CACNB4: variants seen among roughly 807,000 people sequenced by gnomAD.
The protein encoded by CACNB4 is calcium voltage-gated channel auxiliary subunit beta 4.
CACNB4 carries 32 observed loss-of-function variants against 71.2 expected under a neutral mutation model. The observed-to-expected ratio is 0.45, with a 90% CI of 0.34 to 0.60. CACNB4 has a LOEUF of 0.60. Ranked by LOEUF, CACNB4 falls within the 20% of genes least tolerant of loss-of-function variation. CACNB4 has a pLI of 0.01. For synonymous variants in CACNB4, 231 were observed against 236.9 expected (o/e 0.97, Z 0.23); for missense variants, 464 against 647.9 (o/e 0.72, Z 3.08).
At chr2:151,909,604 T>C (rs1049508962) in intron 2 of CACNB4, among the ~76,000 whole-genome samples, 1 of 152,012 alleles carries the variant, frequency 6.6e-6, no homozygotes, top group African/African-American at 2.4e-5. Context: ...GTGTGTGTTG[T>C]TCCCGTTCCC....
In CACNB4 at chr2:151,953,632, C is replaced by T. The variant is rs186024456; in HGVS notation, c.148-70262G>A. On this transcript the variant is annotated intron_variant, in intron 2 of 13. Transcript: ENST00000539935. ...TTAGTAAACGGAAAGCATTGTAAGT[C>T]CAGTTCTTTTTACAAACACAAAGTC... Among the ~76,000 whole-genome samples, 611 of 152,250 alleles carry T rather than the reference C, an allele frequency of 4.0e-3. 5 individuals carry two copies. The highest frequency in any genetic ancestry group is 5.2e-3 in the Non-Finnish European group (352 of 68,020).
chr2:151,905,531 T>C (rs186688853), intron 2 of CACNB4, among the ~76,000 whole-genome samples: 144 of 152,340 alleles, frequency 9.5e-4, no homozygotes, highest in African/African-American at 3.3e-3. Context: ...TTCAGAGACC[T>C]ACAAAAATAA....
At chr2:152,060,168 T>C (rs11902858) in intron 2 of CACNB4, among the ~76,000 whole-genome samples, 7,622 of 152,252 alleles carry the variant, frequency 0.05, 626 homozygotes, top group African/African-American at 0.18. Flanking sequence ...ATATAATTAA[T>C]TGCTTACACA....
rs147689456 is a variant in CACNB4 at position 152,034,569 on chromosome 2, A to G, written c.147+63761T>C. The stretch of plus-strand genomic sequence containing the variant: ...CTTCCCTTGCAGAAAATCCCCCATC[A>G]TGAAAAGCATCGCATAAATTCCATT... On this transcript the variant is annotated intron_variant, in intron 2 of 13. Transcript: ENST00000539935. 2.0e-5 allele frequency among the ~76,000 whole-genome samples: 3 copies of G among 152,344 alleles called. No homozygotes were observed. In the East Asian group the frequency reaches 5.8e-4, roughly 29 times the overall value.
chr2:152,064,537 T>C (rs1433597232), intron 2 of CACNB4, among the ~76,000 whole-genome samples: 1 of 152,174 alleles, frequency 6.6e-6, no homozygotes, highest in African/African-American at 2.4e-5. Context: ...CGCCACACCA[T>C]GCCCAGCTAA....
At chr2:151,950,590 A>T (rs1247350701) in intron 2 of CACNB4, among the ~76,000 whole-genome samples, 1 of 152,250 alleles carries the variant, frequency 6.6e-6, no homozygotes, top group Non-Finnish European at 1.5e-5. Context: ...TCAGCAGATG[A>T]ATGTGGGCTA....
At chr2:151,907,389 A>C (rs577547469) in intron 2 of CACNB4, among the ~76,000 whole-genome samples, 1 of 152,352 alleles carries the variant, frequency 6.6e-6, no homozygotes, top group Non-Finnish European at 1.5e-5. Flanking sequence ...CTATCTTTTA[A>C]AATAATCTTA....
intron 9 of CACNB4, among the ~76,000 whole-genome samples, chr2:151,865,318 C>A (rs551458034): frequency 3.3e-4 from 50 of 152,218 alleles, no homozygotes; most frequent in African/African-American, 1.2e-3. Context: ...TTTCTCAAGC[C>A]CTTTTTTTCC....
intron 2 of CACNB4, among the ~76,000 whole-genome samples, chr2:151,975,635 C>G (rs73967724): frequency 0.084 from 12,727 of 152,080 alleles, 1,773 homozygotes; most frequent in African/African-American, 0.29. Flanking sequence ...TCCCTGGCCA[C>G]GTGGAACCTC....
chr2:152,003,607 C>T (rs1429528823), intron 2 of CACNB4, among the ~76,000 whole-genome samples: 2 of 152,126 alleles, frequency 1.3e-5, no homozygotes, highest in Non-Finnish European at 2.9e-5. Flanking sequence ...TCCCTCCTCC[C>T]CCTTCTCTGC....
chr2:151,995,072 T>C (rs1287440401), intron 2 of CACNB4, among the ~76,000 whole-genome samples: 2 of 152,246 alleles, frequency 1.3e-5, no homozygotes, highest in Non-Finnish European at 2.9e-5. Flanking sequence ...CTCTCAGAAG[T>C]ATATGCTCAA....
chr2:151,916,713 A>G (rs190994358), intron 2 of CACNB4, among the ~76,000 whole-genome samples: 119 of 152,358 alleles, frequency 7.8e-4, no homozygotes, highest in African/African-American at 2.8e-3. Context: ...TCAGACTACT[A>G]TTCTGGTGCA....
chr2:152,039,005 T>G (rs12465272), intron 2 of CACNB4, among the ~76,000 whole-genome samples: 61,867 of 152,118 alleles, frequency 0.41, 15,581 homozygotes, highest in Non-Finnish European at 0.57. Context: ...CATTGCTTGC[T>G]TAGTTAATAT....
intron 2 of CACNB4, among the ~76,000 whole-genome samples, chr2:152,006,239 T>C (rs1287733753): frequency 6.6e-6 from 1 of 152,144 alleles, no homozygotes; most frequent in East Asian, 1.9e-4. Flanking sequence ...GAGATCTGAA[T>C]GTCTCAGGTG....
chr2:151,937,212 A>G, intron 2 of CACNB4, among the ~76,000 whole-genome samples: 1 of 152,198 alleles, frequency 6.6e-6, no homozygotes, highest in Non-Finnish European at 1.5e-5. Flanking sequence ...GGGTGTAATA[A>G]CTATATGCCA....
At chr2:152,081,660 C>T (rs1687363555) in intron 2 of CACNB4, among the ~76,000 whole-genome samples, 1 of 152,050 alleles carries the variant, frequency 6.6e-6, no homozygotes, top group African/African-American at 2.4e-5. Flanking sequence ...AGGGGCCCTA[C>T]CCTCAAAATC....
At chr2:152,061,382 T>C (rs1304447273) in intron 2 of CACNB4, among the ~76,000 whole-genome samples, 2 of 152,164 alleles carry the variant, frequency 1.3e-5, no homozygotes, top group African/African-American at 4.8e-5. Flanking sequence ...TAATTAGTAT[T>C]GTCCAAATTT....
At chr2:151,897,442 T>C (rs1431554753) in intron 2 of CACNB4, among the ~76,000 whole-genome samples, 1 of 152,180 alleles carries the variant, frequency 6.6e-6, no homozygotes, top group African/African-American at 2.4e-5. Flanking sequence ...GTGAATTAGC[T>C]CATCAATAGA....
intron 2 of CACNB4, among the ~76,000 whole-genome samples, chr2:152,035,587 C>T (rs1048971630): frequency 2.1e-4 from 31 of 148,938 alleles, no homozygotes; most frequent in Non-Finnish European, 3.4e-4. Flanking sequence ...CTCTCTCTCT[C>T]CCTCTCTCTC....
Sources: gnomAD v4.1 joint callset for allele counts (sites outside exome capture counted in the v4.1 genomes callset) on GRCh38, gnomAD v4.1.1 for gene constraint, MANE v1.5 for transcripts, NCBI Gene and HGNC (gene_info 2026-07-23, HGNC 2026-07-21) for gene names.